Variants in TNPO1 observed in about 807,000 individuals in gnomAD.
TNPO1 encodes the protein transportin 1, also known as transportin-1.
TNPO1 carries 8 observed loss-of-function variants against 119.5 expected under a neutral mutation model. The observed-to-expected ratio is 0.07, with a 90% CI of 0.04 to 0.12. The LOEUF (loss-of-function observed/expected upper bound fraction) is 0.12, where lower values mean the gene tolerates loss of function less well. TNPO1 is among the 10% of genes least tolerant of loss of function. The pLI, the probability that TNPO1 is intolerant of heterozygous loss-of-function variation, is 1.00. For missense variants in TNPO1, 576 were observed against 1,089.8 expected, an observed-to-expected ratio of 0.53 and a Z score of 6.64; for synonymous variants, 362 against 363.0, an observed-to-expected ratio of 1.00 and a Z score of 0.03.
At chr5:72,860,390 A>G (rs188935460) in intron 4 of TNPO1, among the ~76,000 whole-genome samples, 2 of 152,374 alleles carry the variant, frequency 1.3e-5, no homozygotes, top group East Asian at 1.9e-4. Flanking sequence ...CACTAAGCAT[A>G]TTATATCACT....
intron 22 of TNPO1, among the ~76,000 whole-genome samples, chr5:72,901,577 T>C (rs1749798623): frequency 6.6e-6 from 1 of 152,240 alleles, no homozygotes; most frequent in Admixed American, 6.5e-5. Context: ...GTTCAAGTTA[T>C]ATGTAGACAT....
intron 7 of TNPO1, among the ~76,000 whole-genome samples, chr5:72,873,029 A>G (rs1245662431): frequency 6.6e-6 from 1 of 152,112 alleles, no homozygotes; most frequent in Non-Finnish European, 1.5e-5. Flanking sequence ...TTCAAATTGC[A>G]TATGGAAACC....
At chr5:72,885,998 A>G (rs1020460219) in intron 11 of TNPO1, among the ~76,000 whole-genome samples, 1 of 151,240 alleles carries the variant, frequency 6.6e-6, no homozygotes, top group Non-Finnish European at 1.5e-5. Context: ...TAACTAACCC[A>G]CTCCTACAGT....
intron 1 of TNPO1, chr5:72,848,106 T>G: frequency 1.8e-6 from 2 of 1,119,106 alleles, no homozygotes; most frequent in Non-Finnish European, 1.1e-6. Context: ...TGGGGCCAGA[T>G]TGCAAATTCG....
At position 72,883,313 on chromosome 5, in the gene TNPO1, C is replaced by T. The variant is rs1335037131; in HGVS notation, c.1150+81C>T. ...TATAATTCATCTACTGTACAGTTTA[C>T]TACCCATTAAAGTATACATTTCATT... On this transcript the variant is annotated intron_variant, in intron 11 of 24. Coordinates refer to ENST00000337273, the MANE Select transcript of TNPO1 (RefSeq NM_002270.4). 9 of 699,674 alleles carry T rather than the reference C, an allele frequency of 1.3e-5. No homozygotes were observed. In the South Asian group the frequency reaches 1.3e-4, roughly 10 times the overall value. The allele number at this position is 699,674 out of a possible 1,614,324, so 43.3% of individuals were successfully genotyped here.
At chr5:72,850,591 T>C (rs1040606507) in intron 2 of TNPO1, among the ~76,000 whole-genome samples, 2 of 152,138 alleles carry the variant, frequency 1.3e-5, no homozygotes, top group Non-Finnish European at 2.9e-5. Context: ...AAAGATGTAA[T>C]AGAGCATTTT....
intron 9 of TNPO1, among the ~76,000 whole-genome samples, chr5:72,877,675 T>G (rs1250113419): frequency 6.6e-6 from 1 of 151,840 alleles, no homozygotes; most frequent in Non-Finnish European, 1.5e-5. Context: ...TGAAGTTTTG[T>G]TTTTTTTCCA....
chr5:72,891,902 CAGGG>C lies in TNPO1; in HGVS notation c.1788+7_1788+10del. ...ATCTCTTCCCTTTACTTGAGGTATG[CAGGG>C]CTAGTAATATTTAATCTGTTGCCAA... On this transcript the variant is annotated splice_region_variant and intron_variant, in intron 15 of 24. Coordinates refer to ENST00000337273, the MANE Select transcript of TNPO1 (RefSeq NM_002270.4). 6.2e-7 allele frequency: 1 copy of C among 1,603,082 alleles called. No homozygotes were observed. The highest frequency in any genetic ancestry group is 8.5e-7 in the Non-Finnish European group (1 of 1,173,354).
intron 1 of TNPO1, among the ~76,000 whole-genome samples, chr5:72,820,544 A>T (rs1054943363): frequency 6.6e-6 from 1 of 152,116 alleles, no homozygotes; most frequent in Non-Finnish European, 1.5e-5. Flanking sequence ...CTCATTTATT[A>T]TGTTGGCTCT....
At chr5:72,870,136 G>C (rs1234825323) in intron 6 of TNPO1, among the ~76,000 whole-genome samples, 3 of 140,992 alleles carry the variant, frequency 2.1e-5, no homozygotes, top group African/African-American at 2.6e-5. Context: ...AGAAGAAATA[G>C]TCATTTTCAC....
chr5:72,849,136 T>A (rs1049023340), intron 2 of TNPO1, among the ~76,000 whole-genome samples: 7 of 152,212 alleles, frequency 4.6e-5, no homozygotes, highest in Non-Finnish European at 7.3e-5. Context: ...GCGAACTCCT[T>A]GTCACCCAAG....
Position 72,913,597 on chromosome 5 carries a change from G to C in TNPO1, c.*4924G>C, listed in dbSNP as rs1401063938. ...AAAAGCAGTTTTTCCTTTTATTGCA[G>C]TTTTTGTTTATCTGCCATAGAATTT... On this transcript the variant is annotated 3_prime_UTR_variant, in exon 25 of 25. Coordinates refer to ENST00000337273, the MANE Select transcript of TNPO1 (RefSeq NM_002270.4). The C allele has an allele frequency of 6.6e-6, 1 of 152,394 alleles. No homozygotes were observed. The highest frequency in any genetic ancestry group is 1.5e-5 in the Non-Finnish European group (1 of 67,898). The allele number at this position is 152,394 out of a possible 1,614,324, so 9.4% of individuals were successfully genotyped here. A position where few individuals can be genotyped will look rare whatever the true frequency, so the allele number is the denominator to read the frequency against.
At chr5:72,851,503 T>C (rs1745557945) in intron 3 of TNPO1, among the ~76,000 whole-genome samples, 184 bp downstream of exon 3, 2 of 152,208 alleles carry the variant, frequency 1.3e-5, no homozygotes, top group East Asian at 1.9e-4. Flanking sequence ...TTTTTTTTAA[T>C]GTATATACAG....
chr5:72,816,766 G>C lies in TNPO1; in HGVS notation c.15+14G>C, dbSNP rs1282648539. 1 of 1,583,050 alleles carries C rather than the reference G, an allele frequency of 6.3e-7. No individual in the cohort carries two copies. The highest frequency in any genetic ancestry group is 1.4e-5 in the African/African-American group (1 of 72,946). ...GTGTGGGACCGGGTAGGTGGCGTGA[G>C]GGTGCGCGGCCCCGAACTGCAGGGG... On this transcript the variant is annotated intron_variant, in intron 1 of 24. Coordinates refer to ENST00000337273, the MANE Select transcript of TNPO1 (RefSeq NM_002270.4).
intron 2 of TNPO1, among the ~76,000 whole-genome samples, chr5:72,849,464 A>G (rs1486504149): frequency 2.6e-5 from 4 of 152,228 alleles, no homozygotes; most frequent in Non-Finnish European, 5.9e-5. Context: ...AAAAAGCAGC[A>G]AAATTACTTA....
intron 9 of TNPO1, 137 bp downstream of exon 9, chr5:72,877,483 G>A: frequency 4.2e-6 from 2 of 477,476 alleles, no homozygotes; most frequent in South Asian, 5.1e-5. Context: ...TTTTATTGTT[G>A]GTAAAGAGAT....
At chr5:72,855,642 ATAAT>A in intron 3 of TNPO1, 128 bp from the exon 4 acceptor site, 1 of 724,866 alleles carries the variant, frequency 1.4e-6, no homozygotes, top group Non-Finnish European at 2.2e-6. Flanking sequence ...TTAATCAGTT[ATAAT>A]TATTTTAACT....
intron 18 of TNPO1, among the ~76,000 whole-genome samples, chr5:72,894,388 A>G (rs1265824529): frequency 6.6e-6 from 1 of 151,584 alleles, no homozygotes; most frequent in Non-Finnish European, 1.5e-5. Context: ...TTATTTTAAT[A>G]CAGCCGGGCA....
At position 72,907,709 on chromosome 5, in the gene TNPO1, G is replaced by A. The variant is rs540157767; in HGVS notation, c.*36-1000G>A. On this transcript the variant is annotated intron_variant, in intron 24 of 24. Coordinates refer to ENST00000337273, the MANE Select transcript of TNPO1 (RefSeq NM_002270.4). ...ACTGGAAGATAGTGGAAATGACCAAGTGAAATAGGATCAGAATGGGAACTA... is the reference window on the plus strand; with the variant it reads ...ACTGGAAGATAGTGGAAATGACCAAATGAAATAGGATCAGAATGGGAACTA... 1.6e-4 allele frequency among the ~76,000 whole-genome samples: 24 copies of A among 152,286 alleles called. No homozygotes were observed. The East Asian group carries it at 4.6e-3, about 29-fold the overall frequency.
Sources: allele counts gnomAD v4.1 joint callset (sites outside exome capture counted in the v4.1 genomes callset), GRCh38; gene constraint gnomAD v4.1.1; transcripts MANE v1.5; gene names NCBI Gene and HGNC (gene_info 2026-07-23, HGNC 2026-07-21).